The following RPS6KB1 variants were observed in gnomAD, a reference collection of about 807,000 sequenced individuals.
RPS6KB1 encodes the protein ribosomal protein S6 kinase beta-1.
A neutral mutation model predicts 70.2 loss-of-function variants in RPS6KB1; 12 were observed. The observed-to-expected ratio is 0.17, with a 90% confidence interval of 0.11 to 0.28. The LOEUF (loss-of-function observed/expected upper bound fraction) is 0.28. Among genes scored for constraint, RPS6KB1 ranks in the 10% least tolerant of loss-of-function variants. The pLI is 1.00. For missense variants in RPS6KB1, 270 were observed against 646.6 expected (o/e 0.42, Z 6.32); for synonymous variants, 175 against 211.2 (o/e 0.83, Z 1.49).
In RPS6KB1 at chr17:59,945,541, C is replaced by CT. The variant is rs201142405; in HGVS notation, c.1340+31dup. The CT allele has an allele frequency of 1.6e-3, 2,175 of 1,375,360 alleles. 10 individuals carry two copies. Among genetic ancestry groups the CT allele is most frequent in the African/African-American group, 0.014 (996 of 69,796 alleles). The allele number at this position is 1,375,360 out of a possible 1,614,324, so 85.2% of individuals were successfully genotyped here. On this transcript the variant is annotated intron_variant, in intron 14 of 14. Coordinates refer to ENST00000225577, the MANE Select transcript of RPS6KB1 (RefSeq NM_003161.4). The stretch of plus-strand genomic sequence containing the variant: ...CAGGTATTTCACACTCTTATTTTCA[C>CT]TTTTTTTTGTTTTTAAACAACCTAC...
intron 4 of RPS6KB1, among the ~76,000 whole-genome samples, chr17:59,924,045 T>G (rs552971264): frequency 1.3e-5 from 2 of 151,910 alleles, no homozygotes; most frequent in South Asian, 2.1e-4. Flanking sequence ...CTTAAATATC[T>G]TTTTCTCGCT....
intron 7 of RPS6KB1, among the ~76,000 whole-genome samples, chr17:59,932,109 A>T (rs2043954510): frequency 6.6e-6 from 1 of 152,156 alleles, no homozygotes; most frequent in Non-Finnish European, 1.5e-5. Context: ...TAATAATGAA[A>T]ATATGTAAAT....
intron 13 of RPS6KB1, 59 bp downstream of exon 13, chr17:59,941,002 A>G (rs1292577440): frequency 1.7e-5 from 19 of 1,087,078 alleles, no homozygotes; most frequent in Non-Finnish European, 2.6e-5. Context: ...TGGGCTCTTC[A>G]AAGAAAATTC....
chr17:59,922,250 A>G (rs748094969), intron 4 of RPS6KB1, among the ~76,000 whole-genome samples: 3 of 152,074 alleles, frequency 2.0e-5, no homozygotes, highest in Non-Finnish European at 2.9e-5. Context: ...CATGTTGGCC[A>G]GGCTGGTCTC....
intron 1 of RPS6KB1, among the ~76,000 whole-genome samples, chr17:59,905,648 G>C (rs374718328): frequency 2.6e-4 from 40 of 151,744 alleles, no homozygotes; most frequent in African/African-American, 9.7e-4. Context: ...GGGATTACAG[G>C]CTCCCGCCAC....
intron 12 of RPS6KB1, among the ~76,000 whole-genome samples, 155 bp downstream of exon 12, chr17:59,936,696 G>A (rs1336858893): frequency 1.3e-5 from 2 of 152,192 alleles, no homozygotes; most frequent in African/African-American, 4.8e-5. Flanking sequence ...ACATTTAAAA[G>A]TTAGCTGGGT....
intron 4 of RPS6KB1, among the ~76,000 whole-genome samples, chr17:59,916,969 C>T (rs2042996185): frequency 6.6e-6 from 1 of 152,004 alleles, no homozygotes; most frequent in Non-Finnish European, 1.5e-5. Flanking sequence ...TTCTTCTATT[C>T]TTGAGAGTTT....
At chr17:59,923,613 C>T (rs1340252191) in intron 4 of RPS6KB1, among the ~76,000 whole-genome samples, 1 of 151,918 alleles carries the variant, frequency 6.6e-6, no homozygotes, top group East Asian at 1.9e-4. Context: ...TGCGTTCAAG[C>T]AGTTTTCTGC....
intron 1 of RPS6KB1, among the ~76,000 whole-genome samples, chr17:59,901,626 A>AG (rs1491527235): frequency 3.2e-5 from 1 of 31,296 alleles, no homozygotes; most frequent in Non-Finnish European, 5.2e-5. Context: ...CCTGTCTCTG[A>AG]AAAAAAAAAA....
chr17:59,921,987 T>C (rs2043291544), intron 4 of RPS6KB1, among the ~76,000 whole-genome samples: 1 of 152,146 alleles, frequency 6.6e-6, no homozygotes, highest in African/African-American at 2.4e-5. Flanking sequence ...TAACTGCAGA[T>C]TTCATAGCAC....
chr17:59,896,013 T>C (rs1555642716), intron 1 of RPS6KB1, among the ~76,000 whole-genome samples: 1 of 152,182 alleles, frequency 6.6e-6, no homozygotes, highest in Non-Finnish European at 1.5e-5. Flanking sequence ...CTAGTTACAA[T>C]TGGAAACAAA....
chr17:59,934,158 C>G lies in RPS6KB1; in HGVS notation c.689-12C>G. On this transcript the variant is annotated splice_polypyrimidine_tract_variant and intron_variant, in intron 7 of 14. Coordinates refer to ENST00000225577, the MANE Select transcript of RPS6KB1 (RefSeq NM_003161.4). The surrounding 1 kb of genome is among the most constrained non-coding windows in gnomAD (Gnocchi z 4.8). The stretch of plus-strand genomic sequence containing the variant: ...ATTCGGAGAATAATCATGCTGTAAT[C>G]TTTCATTGTAGGTCATGTGAAACTA... 2 of 1,495,568 alleles carry G rather than the reference C, an allele frequency of 1.3e-6. No homozygotes were observed. Among genetic ancestry groups the G allele is most frequent in the South Asian group, 2.3e-5 (2 of 88,572 alleles). The allele number at this position is 1,495,568 out of a possible 1,614,324, so 92.6% of individuals were successfully genotyped here.
In RPS6KB1 at chr17:59,912,807, A is replaced by G. The variant is rs2144796159; in HGVS notation, c.312+3A>G. 1.2e-6 allele frequency: 2 copies of G among 1,613,676 alleles called. No individual in the cohort carries two copies. The highest frequency in any genetic ancestry group is 1.7e-4 in the Middle Eastern group (1 of 6,054). ...TTGGTAAAGGGGGCTATGGAAAGGTAGGCAATATTTTTGAAATGAGAGCTG... is the reference window on the plus strand; with the variant it reads ...TTGGTAAAGGGGGCTATGGAAAGGTGGGCAATATTTTTGAAATGAGAGCTG... On this transcript the variant is annotated splice_donor_region_variant and intron_variant, in intron 3 of 14. Coordinates refer to ENST00000225577, the MANE Select transcript of RPS6KB1 (RefSeq NM_003161.4).
At chr17:59,916,465 A>C (rs2042970578) in intron 4 of RPS6KB1, among the ~76,000 whole-genome samples, 1 of 151,976 alleles carries the variant, frequency 6.6e-6, no homozygotes, top group Non-Finnish European at 1.5e-5. Context: ...CTTTATCCTC[A>C]TCCTCTCATT....
intron 4 of RPS6KB1, among the ~76,000 whole-genome samples, chr17:59,919,836 C>T (rs2043166991): frequency 6.6e-6 from 1 of 151,982 alleles, no homozygotes; most frequent in South Asian, 2.1e-4. Flanking sequence ...TTAATTTTTT[C>T]CCTTCCTTCT....
chr17:59,926,154 A>G (rs764014339), intron 4 of RPS6KB1, among the ~76,000 whole-genome samples: 3 of 152,158 alleles, frequency 2.0e-5, no homozygotes, highest in African/African-American at 4.8e-5. Context: ...TAGACACTCA[A>G]TAGTTTGTGA....
chr17:59,934,664 A>G lies in RPS6KB1; in HGVS notation c.870+140A>G. 1.6e-6 allele frequency: 1 copy of G among 608,130 alleles called. No individual in the cohort carries two copies. The highest frequency in any genetic ancestry group is 2.9e-6 in the Non-Finnish European group (1 of 343,758). 37.7% of individuals were successfully genotyped at this position (608,130 alleles called of 1,614,324 possible). On this transcript the variant is annotated intron_variant, in intron 9 of 14. Transcript: ENST00000225577. This position sits in a 1 kb window ranked among gnomAD's most constrained non-coding sequence, Gnocchi z 4.8. ...ATTTGTTATTAGCAGTTTAACACTA[A>G]TAATGCTGTATGATTATATGGGATC...
intron 4 of RPS6KB1, among the ~76,000 whole-genome samples, chr17:59,916,297 C>T (rs753445631): frequency 2.1e-4 from 32 of 151,670 alleles, no homozygotes; most frequent in Non-Finnish European, 3.5e-4. Flanking sequence ...GATGCGGTTT[C>T]GCCATATTGG....
chr17:59,893,715 C>T lies in RPS6KB1; in HGVS notation c.141+390C>T, dbSNP rs1470020165. Reference sequence around the variant, plus strand: ...TGCAGGCGAAGTGTGGAGGGTTTCCCTTCGAGTCTAGAATTTCAAGTATTG... The same window carrying T: ...TGCAGGCGAAGTGTGGAGGGTTTCCTTTCGAGTCTAGAATTTCAAGTATTG... On this transcript the variant is annotated intron_variant, in intron 1 of 14. Transcript: ENST00000225577. This position sits in a 1 kb window ranked among gnomAD's most constrained non-coding sequence, Gnocchi z 4.1. The T allele has an allele frequency of 1.1e-6, 1 of 951,790 alleles. No homozygotes were observed. The highest frequency in any genetic ancestry group is 1.8e-5 in the African/African-American group (1 of 56,610). The allele number at this position is 951,790 out of a possible 1,614,324, so 59.0% of individuals were successfully genotyped here. A position where few individuals can be genotyped will look rare whatever the true frequency, so the allele number is the denominator to read the frequency against.
Sources: gnomAD v4.1 joint callset for allele counts (sites outside exome capture counted in the v4.1 genomes callset) on GRCh38, gnomAD v4.1.1 for gene constraint, Gnocchi (gnomAD v3.1) non-coding constraint, MANE v1.5 for transcripts, NCBI Gene and HGNC (gene_info 2026-07-23, HGNC 2026-07-21) for gene names.